Variants in SPATA2L observed in about 807,000 individuals in gnomAD.
SPATA2L encodes the protein spermatogenesis associated 2 like, also known as spermatogenesis-associated protein 2-like protein.
Under a neutral mutation model 8.7 loss-of-function variants are expected in SPATA2L, and 5 were observed. That is an observed-to-expected ratio of 0.57 (90% CI 0.30 to 1.21). SPATA2L has a LOEUF of 1.21. SPATA2L is among the 50% of genes most tolerant of loss of function. The pLI, the probability that SPATA2L is intolerant of heterozygous loss-of-function variation, is 0.07. For missense variants in SPATA2L, 671 were observed against 591.0 expected (o/e 1.14, Z -1.40); for synonymous variants, 358 against 275.8 (o/e 1.30, Z -2.95).
chr16:89,701,244 C>T lies in SPATA2L; in HGVS notation c.-1-11G>A. The T allele has an allele frequency of 7.2e-7, 1 of 1,398,336 alleles. No homozygotes were observed. Among genetic ancestry groups the T allele is most frequent in the Non-Finnish European group, 9.3e-7 (1 of 1,078,070 alleles). The allele number at this position is 1,398,336 out of a possible 1,614,324, so 86.6% of individuals were successfully genotyped here. A position where few individuals can be genotyped will look rare whatever the true frequency, so the allele number is the denominator to read the frequency against. On this transcript the variant is annotated splice_polypyrimidine_tract_variant and intron_variant, in intron 1 of 2. Coordinates refer to ENST00000289805, the MANE Select transcript of SPATA2L (RefSeq NM_152339.4). The stretch of plus-strand genomic sequence containing the variant: ...GAGCTGCTGCCCATCCTGCGGCGGA[C>T]GGGGGTCGGGGGGGTCAGGGACCTA...
At chr16:89,698,632 G>A (rs1367226779) in intron 2 of SPATA2L, among the ~76,000 whole-genome samples, 1 of 150,946 alleles carries the variant, frequency 6.6e-6, no homozygotes, top group African/African-American at 2.4e-5. Context: ...GACTACAGGC[G>A]CCCACCACCA....
Position 89,696,712 on chromosome 16 carries a change from C to G in SPATA2L, c.*622G>C, listed in dbSNP as rs558588850. 536 of 1,399,024 alleles carry G rather than the reference C, an allele frequency of 3.8e-4. 6 individuals are homozygous for G. The East Asian group carries it at 0.013, about 34-fold the overall frequency. 86.7% of individuals were successfully genotyped at this position (1,399,024 alleles called of 1,614,324 possible). A position where few individuals can be genotyped will look rare whatever the true frequency, so the allele number is the denominator to read the frequency against. On this transcript the variant is annotated 3_prime_UTR_variant, in exon 3 of 3. Coordinates refer to ENST00000289805, the MANE Select transcript of SPATA2L (RefSeq NM_152339.4). ...CCCAGCTGTCAGCCACTGCCCGTTC[C>G]TGCGCCTCTCGTGCACCTCCACATC...
Position 89,701,128 on chromosome 16 carries a change from G to C in SPATA2L, c.105C>G (p.Leu35=), listed in dbSNP as rs767090332. Reference sequence around the variant, plus strand: ...CGAAGTCCTCCACCAGGATCTGCCAGAGCACCGCGCGCAGCGAGGGGTCCC... The same window carrying C: ...CGAAGTCCTCCACCAGGATCTGCCACAGCACCGCGCGCAGCGAGGGGTCCC... ...VCGDPSLRAV[L]WQILVEDFDL... is the part of the protein sequence containing the mutation. The change falls in exon 2 of 3, where the codon CTC becomes CTG. Residue 35 remains leucine, a synonymous_variant. Coordinates refer to ENST00000289805, the MANE Select transcript of SPATA2L (RefSeq NM_152339.4). 1.0e-4 allele frequency: 157 copies of C among 1,537,734 alleles called. No homozygotes were observed. Among genetic ancestry groups the C allele is most frequent in the African/African-American group, 1.3e-4 (9 of 71,176 alleles).
rs1056937781 is a variant in SPATA2L, at chr16:89,697,101, G to A, written c.*233C>T. The stretch of plus-strand genomic sequence containing the variant: ...ATGTGGGCATGCGTCTGGGTTCCGA[G>A]GGTGGGGAAATGTGGAAAGGCTCCT... On this transcript the variant is annotated 3_prime_UTR_variant, in exon 3 of 3. Transcript: ENST00000289805. 11 of 1,379,812 alleles carry A rather than the reference G, an allele frequency of 8.0e-6. No homozygotes were observed. Among genetic ancestry groups the A allele is most frequent in the Middle Eastern group, 2.7e-4 (1 of 3,752 alleles). The allele number at this position is 1,379,812 out of a possible 1,614,324, so 85.5% of individuals were successfully genotyped here.
At position 89,697,672 on chromosome 16, in the gene SPATA2L, G is replaced by T. The variant is rs370125857; in HGVS notation, c.937C>A (p.Arg313Ser). 5.3e-5 allele frequency: 85 copies of T among 1,611,070 alleles called. 1 individual carries two copies. The South Asian group carries it at 8.3e-4, about 16-fold the overall frequency. Residue 313 changes from arginine (R) to serine (S), a missense_variant, in exon 3 of 3, where the codon CGC becomes AGC. Coordinates refer to ENST00000289805, the MANE Select transcript of SPATA2L (RefSeq NM_152339.4). The part of the protein sequence containing the change: ...EPSAFSFLSL[R>S]RELSRPGDLA... ...TCCCCAGGCCTACTCAGCTCACGGC[G>T]CAGAGAGAGGAAGGAGAAGGCGGAA...
At chr16:89,699,075 C>G (rs1414398304) in intron 2 of SPATA2L, among the ~76,000 whole-genome samples, 2 of 152,028 alleles carry the variant, frequency 1.3e-5, no homozygotes, top group Non-Finnish European at 2.9e-5. Flanking sequence ...TGTGAGCCAC[C>G]GCACCTGGCC....
intron 2 of SPATA2L, among the ~76,000 whole-genome samples, chr16:89,700,106 T>G (rs971420023): frequency 9.2e-5 from 14 of 152,326 alleles, no homozygotes; most frequent in African/African-American, 3.4e-4. Context: ...ATTAGCTAAT[T>G]TGGCCAAGTC....
chr16:89,698,081 C>T lies in SPATA2L; in HGVS notation c.528G>A (p.Val176=), dbSNP rs149340479. Residue 176 remains valine, a synonymous_variant, in exon 3 of 3, where the codon GTG becomes GTA. Transcript: ENST00000289805. ...GEVLAQLGTS[V]LPAEELLQAR... ...CCTGCAGCAGCTCCTCAGCTGGCAG[C>T]ACACTGGTGCCCAGCTGGGCCAGCA... is the stretch of plus-strand genomic sequence containing the variant. The T allele has an allele frequency of 2.4e-5, 39 of 1,599,574 alleles. No homozygotes were observed. The highest frequency in any genetic ancestry group is 6.7e-5 in the Admixed American group (4 of 59,648).
In SPATA2L at chr16:89,699,434, G is replaced by A. The variant is rs147323101; in HGVS notation, c.304-1129C>T. ...TGCAGACAAGGACAGAAGCTGTAAC[G>A]TTCATTCCCCCTGCTGTGTAGTATT... On this transcript the variant is annotated intron_variant, in intron 2 of 2. Transcript: ENST00000289805. Among the ~76,000 whole-genome samples, 7 of 152,168 alleles carry A rather than the reference G, an allele frequency of 4.6e-5. No individual in the cohort carries two copies. In the East Asian group the frequency reaches 1.2e-3, roughly 25 times the overall value.
chr16:89,701,077 G>T lies in SPATA2L; in HGVS notation c.156C>A (p.Asp52Glu). Residue 52 changes from aspartate to glutamate, a missense_variant, in exon 2 of 3, where the codon GAC becomes GAA. Coordinates refer to ENST00000289805, the MANE Select transcript of SPATA2L (RefSeq NM_152339.4). Reference protein sequence around the residue: ...DFDLHGALQDDALALLTDGLW... With the variant: ...DFDLHGALQDEALALLTDGLW... Reference sequence around the variant, plus strand: ...GCCCGTCGGTGAGCAGAGCCAGCGCGTCGTCCTGCAGCGCCCCGTGCAGGT... The same window carrying T: ...GCCCGTCGGTGAGCAGAGCCAGCGCTTCGTCCTGCAGCGCCCCGTGCAGGT... 6.4e-7 allele frequency: 1 copy of T among 1,571,730 alleles called. No homozygotes were observed. The highest frequency in any genetic ancestry group is 8.6e-7 in the Non-Finnish European group (1 of 1,163,688).
chr16:89,700,633 G>A (rs571598982), intron 2 of SPATA2L, among the ~76,000 whole-genome samples: 1 of 152,342 alleles, frequency 6.6e-6, no homozygotes, highest in African/African-American at 2.4e-5. Flanking sequence ...CCCGTCCTAA[G>A]ATTTCCATGG....
Position 89,696,722 on chromosome 16 carries a change from C to T in SPATA2L, c.*612G>A, listed in dbSNP as rs1171281519. ...AGCCACTGCCCGTTCCTGCGCCTCT[C>T]GTGCACCTCCACATCTGGTTTGAGG... is the stretch of plus-strand genomic sequence containing the variant. On this transcript the variant is annotated 3_prime_UTR_variant, in exon 3 of 3. Coordinates refer to ENST00000289805, the MANE Select transcript of SPATA2L (RefSeq NM_152339.4). The T allele has an allele frequency of 8.4e-6, 12 of 1,436,768 alleles. No homozygotes were observed. Among genetic ancestry groups the T allele is most frequent in the East Asian group, 2.5e-5 (1 of 39,890 alleles). 89.0% of individuals were successfully genotyped at this position (1,436,768 alleles called of 1,614,324 possible). A position where few individuals can be genotyped will look rare whatever the true frequency, so the allele number is the denominator to read the frequency against.
At chr16:89,699,045 C>T (rs35754755) in intron 2 of SPATA2L, among the ~76,000 whole-genome samples, 3,042 of 152,110 alleles carry the variant, frequency 0.02, 38 homozygotes, top group Non-Finnish European at 0.033. Flanking sequence ...CTTGGCCTCC[C>T]GAAGTGCTGG....
chr16:89,697,451 G>T lies in SPATA2L; in HGVS notation c.1158C>A (p.Pro386=). The T allele has an allele frequency of 6.2e-7, 1 of 1,605,854 alleles. No homozygotes were observed. The change falls in exon 3 of 3, where the codon CCC becomes CCA. Residue 386 remains proline, a synonymous_variant. Coordinates refer to ENST00000289805, the MANE Select transcript of SPATA2L (RefSeq NM_152339.4). The part of the protein sequence containing the change: ...QLHAAHCAAL[P]ACRPGHSLRV... ...GCAGCGAGTGGCCTGGACGGCAGGC[G>T]GGCAGGGCTGCACAGTGGGCAGCAT...
chr16:89,701,213 GACA>G lies in SPATA2L; in HGVS notation c.17_19del (p.Leu6_Ser7delinsPro). The G allele has an allele frequency of 1.4e-6, 2 of 1,446,614 alleles. No individual in the cohort carries two copies. The highest frequency in any genetic ancestry group is 1.8e-6 in the Non-Finnish European group (2 of 1,099,692). 89.6% of individuals were successfully genotyped at this position (1,446,614 alleles called of 1,614,324 possible). A position where few individuals can be genotyped will look rare whatever the true frequency, so the allele number is the denominator to read the frequency against. Reference sequence around the variant, plus strand: ...CTCCAGGCACTGGCGGTAGTCCTCGGACAGCGAGCTGCTGCCCATCCTGCGGCG... The same window carrying G: ...CTCCAGGCACTGGCGGTAGTCCTCGGGCGAGCTGCTGCCCATCCTGCGGCG... On this transcript the variant is annotated inframe_deletion, in exon 2 of 3. Coordinates refer to ENST00000289805, the MANE Select transcript of SPATA2L (RefSeq NM_152339.4).
Position 89,696,535 on chromosome 16 carries a change from T to G in SPATA2L, c.*799A>C. On this transcript the variant is annotated 3_prime_UTR_variant, in exon 3 of 3. Transcript: ENST00000289805. The stretch of plus-strand genomic sequence containing the variant: ...CCCTCTCCCTCGCCAGACCCGAGGG[T>G]AGGGCAGAGGCACCTCCTCGCCAGC... 4.7e-6 allele frequency: 2 copies of G among 430,044 alleles called. No homozygotes were observed. Among genetic ancestry groups the G allele is most frequent in the East Asian group, 3.7e-5 (1 of 26,838 alleles). The allele number at this position is 430,044 out of a possible 1,614,324, so 26.6% of individuals were successfully genotyped here. A position where few individuals can be genotyped will look rare whatever the true frequency, so the allele number is the denominator to read the frequency against.
chr16:89,697,076 A>G lies in SPATA2L; in HGVS notation c.*258T>C. Reference sequence around the variant, plus strand: ...CAGGCTGGACCCCTCTACCCAGCACATGTGGGCATGCGTCTGGGTTCCGAG... The same window carrying G: ...CAGGCTGGACCCCTCTACCCAGCACGTGTGGGCATGCGTCTGGGTTCCGAG... On this transcript the variant is annotated 3_prime_UTR_variant, in exon 3 of 3. Coordinates refer to ENST00000289805, the MANE Select transcript of SPATA2L (RefSeq NM_152339.4). 3 of 1,385,676 alleles carry G rather than the reference A, an allele frequency of 2.2e-6. No individual in the cohort carries two copies. The highest frequency in any genetic ancestry group is 2.8e-6 in the Non-Finnish European group (3 of 1,071,810). 85.8% of individuals were successfully genotyped at this position (1,385,676 alleles called of 1,614,324 possible).
At chr16:89,698,782 C>T (rs1442674345) in intron 2 of SPATA2L, among the ~76,000 whole-genome samples, 2 of 150,178 alleles carry the variant, frequency 1.3e-5, no homozygotes, top group African/African-American at 2.5e-5. Flanking sequence ...CCACTGTGCC[C>T]GGCCTAGAAT....
chr16:89,697,079 T>G lies in SPATA2L; in HGVS notation c.*255A>C, dbSNP rs2060735195. 2 of 1,383,200 alleles carry G rather than the reference T, an allele frequency of 1.4e-6. No individual in the cohort carries two copies. Among genetic ancestry groups the G allele is most frequent in the Non-Finnish European group, 1.9e-6 (2 of 1,070,508 alleles). The allele number at this position is 1,383,200 out of a possible 1,614,324, so 85.7% of individuals were successfully genotyped here. On this transcript the variant is annotated 3_prime_UTR_variant, in exon 3 of 3. Transcript: ENST00000289805. ...GCTGGACCCCTCTACCCAGCACATG[T>G]GGGCATGCGTCTGGGTTCCGAGGGT...
Sources: allele counts gnomAD v4.1 joint callset (sites outside exome capture counted in the v4.1 genomes callset), GRCh38; gene constraint gnomAD v4.1.1; transcripts MANE v1.5; gene names NCBI Gene and HGNC (gene_info 2026-07-23, HGNC 2026-07-21).